Variants in TMEM67 observed in about 807,000 individuals in gnomAD.
TMEM67 encodes transmembrane protein 67, also known as meckelin.
A neutral mutation model predicts 136.6 loss-of-function variants in TMEM67; 124 were observed. The observed-to-expected ratio is 0.91, with a 90% confidence interval of 0.78 to 1.05. The LOEUF is 1.05. Ranked by LOEUF, TMEM67 falls within the 50% of genes least tolerant of loss-of-function variation. TMEM67 has a pLI of 0.00. For synonymous variants in TMEM67, 364 were observed against 390.5 expected (o/e 0.93, Z 0.80); for missense variants, 1,107 against 1,178.4 (o/e 0.94, Z 0.89).
chr8:93,815,226 G>C, intron 26 of TMEM67, 79 bp from the exon 27 acceptor site: 1 of 1,005,178 alleles, frequency 9.9e-7, no homozygotes, highest in Non-Finnish European at 1.4e-6. Context: ...TAAACATCCA[G>C]ATTTTGTCAC....
At chr8:93,755,666 A>G in intron 1 of TMEM67, 112 bp from the exon 2 acceptor site, 1 of 730,490 alleles carries the variant, frequency 1.4e-6, no homozygotes, top group Non-Finnish European at 2.3e-6. Context: ...GCTGTTAATC[A>G]CTATACTGCT....
intron 4 of TMEM67, among the ~76,000 whole-genome samples, 161 bp from the exon 5 acceptor site, chr8:93,765,245 A>C (rs1813029260): frequency 6.6e-6 from 1 of 152,188 alleles, no homozygotes; most frequent in Non-Finnish European, 1.5e-5. Flanking sequence ...AGAATGGCCT[A>C]AAACTATTCA....
intron 7 of TMEM67, among the ~76,000 whole-genome samples, chr8:93,780,328 G>T (rs201113036): frequency 6.6e-6 from 1 of 152,104 alleles, no homozygotes; most frequent in South Asian, 2.1e-4. Flanking sequence ...CGCTTCCTGG[G>T]TGAGGTGATG....
intron 2 of TMEM67, among the ~76,000 whole-genome samples, chr8:93,758,178 T>A (rs1162786341): frequency 3.3e-4 from 50 of 152,202 alleles, no homozygotes; most frequent in Non-Finnish European, 4.4e-5. Context: ...TATTTGTAAA[T>A]GGAAAAACGA....
intron 7 of TMEM67, among the ~76,000 whole-genome samples, chr8:93,780,182 C>T (rs569267013): frequency 1.5e-4 from 23 of 152,026 alleles, no homozygotes; most frequent in Admixed American, 5.2e-4. Flanking sequence ...CCGAGCCAGG[C>T]GTGGGATGTA....
chr8:93,800,111 A>G (rs1467696635), intron 21 of TMEM67, among the ~76,000 whole-genome samples: 1 of 151,846 alleles, frequency 6.6e-6, no homozygotes, highest in Non-Finnish European at 1.5e-5. Flanking sequence ...GGTTTTTACC[A>G]TGTTGGTCAG....
rs758803102 is a variant in TMEM67, at chr8:93,787,926, G to T, written c.1495G>T (p.Asp499Tyr). Residue 499 changes from aspartate to tyrosine, a missense_variant, in exon 14 of 28, where the codon GAT becomes TAT. Physicochemically the swap from Asp to Tyr is radical, Grantham distance 160. Around this residue, in one of 3 missense-constraint regions of TMEM67, gnomAD observed 925 missense variants for 1,002.4 expected, o/e 0.92. Coordinates refer to ENST00000453321, the MANE Select transcript of TMEM67 (RefSeq NM_153704.6). ...TGCCTACAGTGACATTGATATCAAA[G>T]ATGCCAACAGCCAGTCTGTGAAGGT... The part of the protein sequence containing the change: ...TIAYSDIDIK[D>Y]ANSQSVKVSF... The T allele has an allele frequency of 1.2e-5, 19 of 1,613,612 alleles. No individual in the cohort carries two copies. In the Admixed American group the frequency reaches 3.0e-4, roughly 25 times the overall value.
chr8:93,772,363 G>T (rs559546683), intron 6 of TMEM67, among the ~76,000 whole-genome samples: 4 of 151,992 alleles, frequency 2.6e-5, no homozygotes, highest in Admixed American at 2.6e-4. Flanking sequence ...AGTATTTTTT[G>T]ATTACAGACA....
rs1812692182 is a variant in TMEM67 at position 93,758,799 on chromosome 8, AT to A, written c.406+224del. On this transcript the variant is annotated intron_variant, in intron 3 of 27. Transcript: ENST00000453321. Reference sequence around the variant, plus strand: ...TTTTTTGTAGAGACTGGGTCTCGTTATGTTGCTCAGCCTGGTCTTGAACTCC... The same window carrying A: ...TTTTTTGTAGAGACTGGGTCTCGTTAGTTGCTCAGCCTGGTCTTGAACTCC... 16 of 504,224 alleles carry A rather than the reference AT, an allele frequency of 3.2e-5. No homozygotes were observed. The South Asian group carries it at 3.7e-4, about 12-fold the overall frequency. The allele number at this position is 504,224 out of a possible 1,614,324, so 31.2% of individuals were successfully genotyped here. A position where few individuals can be genotyped will look rare whatever the true frequency, so the allele number is the denominator to read the frequency against.
At chr8:93,783,585 T>C (rs1478537794) in intron 11 of TMEM67, among the ~76,000 whole-genome samples, 2 of 152,198 alleles carry the variant, frequency 1.3e-5, no homozygotes, top group Non-Finnish European at 2.9e-5. Context: ...AGCCATTCAA[T>C]ACTTGAAAAA....
chr8:93,755,573 G>T (rs2130526168), intron 1 of TMEM67, among the ~76,000 whole-genome samples: 1 of 152,218 alleles, frequency 6.6e-6, no homozygotes, highest in East Asian at 1.9e-4. Context: ...TCAAGGTCAT[G>T]CAACTGAGTA....
chr8:93,759,849 A>G (rs778441221), intron 3 of TMEM67: 11 of 657,188 alleles, frequency 1.7e-5, no homozygotes, highest in Middle Eastern at 2.5e-4. Flanking sequence ...GGGTTTCTCC[A>G]TGTTGGTCAG....
At chr8:93,828,906 T>C in the TMEM67 span, among the ~76,000 whole-genome samples, 1 of 152,210 alleles carries the variant, frequency 6.6e-6, no homozygotes, top group Non-Finnish European at 1.5e-5. Context: ...TTTCATGTTA[T>C]ATTTATGTTA....
chr8:93,818,962 C>A (rs767184282), downstream of TMEM67: 10 of 403,318 alleles, frequency 2.5e-5, no homozygotes, highest in Non-Finnish European at 9.5e-6. Flanking sequence ...CCACCATGCC[C>A]AGCTAATTTT....
At chr8:93,765,544 CT>C (rs1235528993) in intron 5 of TMEM67, 27 bp from the exon 6 acceptor site, 1 of 1,602,480 alleles carries the variant, frequency 6.2e-7, no homozygotes, top group East Asian at 2.2e-5. Context: ...TCATAAGCTT[CT>C]ATTTTTTCCC....
intron 11 of TMEM67, among the ~76,000 whole-genome samples, chr8:93,783,546 A>G (rs924487199): frequency 6.6e-6 from 1 of 152,084 alleles, no homozygotes; most frequent in Non-Finnish European, 1.5e-5. Flanking sequence ...CTATTTTGAA[A>G]TTACATTATT....
intron 23 of TMEM67, among the ~76,000 whole-genome samples, chr8:93,806,579 A>T (rs928558308): frequency 1.3e-5 from 2 of 152,154 alleles, no homozygotes; most frequent in African/African-American, 4.8e-5. Flanking sequence ...AAAATTTTTT[A>T]AATAATAAGA....
At chr8:93,763,632 CT>C (rs896152893) in intron 3 of TMEM67, among the ~76,000 whole-genome samples, 4 of 151,288 alleles carry the variant, frequency 2.6e-5, no homozygotes, top group East Asian at 1.9e-4. Flanking sequence ...CATCACTTCT[CT>C]TTTTTTTTGG....
chr8:93,770,989 T>G (rs1051888600), intron 6 of TMEM67, among the ~76,000 whole-genome samples: 5 of 150,998 alleles, frequency 3.3e-5, no homozygotes, highest in Non-Finnish European at 7.4e-5. Flanking sequence ...CACTCCATCC[T>G]GGGCAACAAG....
Sources: allele counts gnomAD v4.1 joint callset (sites outside exome capture counted in the v4.1 genomes callset), GRCh38; gene constraint gnomAD v4.1.1; regional missense constraint gnomAD v4.1.1; transcripts MANE v1.5; gene names NCBI Gene and HGNC (gene_info 2026-07-23, HGNC 2026-07-21).